Variants in WWOX observed in about 807,000 individuals in gnomAD.
The protein encoded by WWOX is WW domain containing oxidoreductase.
In WWOX, 69 loss-of-function variants were observed where a neutral mutation model predicts 46.2. The observed-to-expected ratio is 1.49, with a 90% CI of 1.23 to 1.82. The LOEUF is 1.82. Among genes scored for constraint, WWOX ranks in the 40% most tolerant of loss-of-function variants. The probability of loss-of-function intolerance (pLI) is 0.00; values close to 1 mark genes in which losing one functional copy is unlikely to be tolerated. For synonymous variants in WWOX, 359 were observed against 202.6 expected (o/e 1.77, Z -6.56); for missense variants, 919 against 542.6 (o/e 1.69, Z -6.89).
chr16:78,752,791 T>G (rs1240080917), intron 8 of WWOX, among the ~76,000 whole-genome samples: 5 of 152,224 alleles, frequency 3.3e-5, no homozygotes, highest in African/African-American at 9.6e-5. Flanking sequence ...CCAATAAATT[T>G]AATCACATAA....
intron 4 of WWOX, chr16:78,124,339 G>A (rs375895817): frequency 7.9e-5 from 12 of 152,206 alleles, no homozygotes; most frequent in Non-Finnish European, 1.5e-4. Flanking sequence ...ACTAGATGGC[G>A]ATTCTGGGAA....
Position 78,639,039 on chromosome 16 carries a change from T to C in WWOX, c.1056+206287T>C, listed in dbSNP as rs940714646. Among the ~76,000 whole-genome samples, 4 of 152,126 alleles carry C rather than the reference T, an allele frequency of 2.6e-5. No individual in the cohort carries two copies. The East Asian group carries it at 5.8e-4, about 22-fold the overall frequency. ...CCTTTATAATCTTTTACCCGTCTTA[T>C]GGGGGATGAACAGAAACACACTTTA... On this transcript the variant is annotated intron_variant, in intron 8 of 8. Coordinates refer to ENST00000566780, the MANE Select transcript of WWOX (RefSeq NM_016373.4).
At chr16:78,773,821 C>T (rs2050123882) in intron 8 of WWOX, among the ~76,000 whole-genome samples, 1 of 152,294 alleles carries the variant, frequency 6.6e-6, no homozygotes, top group East Asian at 1.9e-4. Flanking sequence ...CATGTGAGTT[C>T]TGAACAGGGA....
intron 8 of WWOX, among the ~76,000 whole-genome samples, chr16:78,989,746 T>G (rs2046846876): frequency 6.8e-6 from 1 of 146,650 alleles, no homozygotes; most frequent in Admixed American, 6.9e-5. Flanking sequence ...AAGAGGGCGG[T>G]GAGATGCTGA....
chr16:78,138,179 C>T (rs868207877), intron 4 of WWOX, among the ~76,000 whole-genome samples: 5 of 150,808 alleles, frequency 3.3e-5, no homozygotes, highest in South Asian at 2.1e-4. Context: ...ACGCCAGTCC[C>T]TCTGATAATC....
intron 8 of WWOX, among the ~76,000 whole-genome samples, chr16:78,630,773 A>G (rs1353980632): frequency 6.6e-6 from 1 of 152,160 alleles, no homozygotes; most frequent in East Asian, 1.9e-4. Flanking sequence ...TTGGCGTTTC[A>G]GTGCCTGACA....
chr16:78,867,484 TTGTGTGTGTG>T (rs4035599), intron 8 of WWOX, among the ~76,000 whole-genome samples: 3 of 148,886 alleles, frequency 2.0e-5, no homozygotes, highest in Non-Finnish European at 4.5e-5. Context: ...TTAAATGATT[TTGTGTGTGTG>T]TGTGTGTGTG....
chr16:78,951,400 A>G (rs1159141999), intron 8 of WWOX, among the ~76,000 whole-genome samples: 4 of 152,104 alleles, frequency 2.6e-5, no homozygotes, highest in Admixed American at 1.3e-4. Context: ...CATGTAAATC[A>G]TTGAGCCAAT....
At chr16:78,157,144 T>C (rs2034633267) in intron 4 of WWOX, among the ~76,000 whole-genome samples, 1 of 152,154 alleles carries the variant, frequency 6.6e-6, no homozygotes, top group Non-Finnish European at 1.5e-5. Flanking sequence ...GACCTGGAAA[T>C]TTCAAAGGGA....
At chr16:78,565,313 C>T (rs547411791) in intron 8 of WWOX, among the ~76,000 whole-genome samples, 2 of 152,180 alleles carry the variant, frequency 1.3e-5, no homozygotes, top group African/African-American at 4.8e-5. Context: ...TCAGTCTCAC[C>T]TGGTCAAGAT....
intron 8 of WWOX, among the ~76,000 whole-genome samples, chr16:78,822,068 G>T (rs140062913): frequency 6.6e-6 from 1 of 151,904 alleles, no homozygotes; most frequent in Non-Finnish European, 1.5e-5. Flanking sequence ...GTAGAGATGG[G>T]GTCTCAGTGC....
At chr16:78,783,837 GTGA>G (rs2050388890) in intron 8 of WWOX, among the ~76,000 whole-genome samples, 2 of 143,332 alleles carry the variant, frequency 1.4e-5, no homozygotes, top group Non-Finnish European at 3.2e-5. Flanking sequence ...GCTGATGGTG[GTGA>G]TGATGATGGT....
chr16:78,905,941 A>G (rs556593019), intron 8 of WWOX, among the ~76,000 whole-genome samples: 2 of 152,296 alleles, frequency 1.3e-5, no homozygotes, highest in African/African-American at 4.8e-5. Flanking sequence ...TGATTAATTA[A>G]AGGACCCAAG....
chr16:78,477,753 C>T (rs1022254420), intron 8 of WWOX, among the ~76,000 whole-genome samples: 1 of 151,938 alleles, frequency 6.6e-6, no homozygotes, highest in Admixed American at 6.6e-5. Flanking sequence ...AATCTTTTAG[C>T]ACTTTAATTT....
At chr16:78,767,475 T>C (rs1324540974) in intron 8 of WWOX, among the ~76,000 whole-genome samples, 1 of 92,704 alleles carries the variant, frequency 1.1e-5, no homozygotes, top group Non-Finnish European at 2.4e-5. Context: ...TGTGAGTGTG[T>C]GTGTGTCTGT....
rs781732002 is a variant in WWOX at position 78,115,130 on chromosome 16, G to C, written c.385G>C (p.Val129Leu). 3 of 1,614,064 alleles carry C rather than the reference G, an allele frequency of 1.9e-6. No homozygotes were observed. Among genetic ancestry groups the C allele is most frequent in the Middle Eastern group, 1.6e-4 (1 of 6,084 alleles). Residue 129 changes from valine to leucine, a missense_variant, in exon 4 of 9, where the codon GTC becomes CTC. Transcript: ENST00000566780. The stretch of plus-strand genomic sequence containing the variant: ...GGATTTCACTGGCAAAGTGGTTGTG[G>C]TCACTGGAGCTAATTCAGGAATAGG... Reference protein sequence around the residue: ...GRDFTGKVVVVTGANSGIGFE... With the variant: ...GRDFTGKVVVLTGANSGIGFE...
rs1207591617 is a variant in WWOX at position 78,548,170 on chromosome 16, A to ATTC, written c.1056+115418_1056+115419insTTC. On this transcript the variant is annotated intron_variant, in intron 8 of 8. Coordinates refer to ENST00000566780, the MANE Select transcript of WWOX (RefSeq NM_016373.4). ...ACTGTCTCAAAAAAAAAAAAAAAAA[A>ATTC]AAAAAAAATTACGAATTTTGCGAGG... is the stretch of plus-strand genomic sequence containing the variant. Among the ~76,000 whole-genome samples the ATTC allele has an allele frequency of 5.4e-5, 4 of 74,510 alleles. 1 individual carries two copies. Among genetic ancestry groups the ATTC allele is most frequent in the Admixed American group, 3.6e-4 (2 of 5,590 alleles). The allele number at this position is 74,510 out of a possible 152,430, so 48.9% of individuals were successfully genotyped here. A position where few individuals can be genotyped will look rare whatever the true frequency, so the allele number is the denominator to read the frequency against.
intron 8 of WWOX, among the ~76,000 whole-genome samples, chr16:78,894,184 A>T (rs1219036517): frequency 1.3e-5 from 2 of 152,048 alleles, no homozygotes; most frequent in African/African-American, 4.8e-5. Context: ...AGCTACAGGC[A>T]AGTGTACTGT....
chr16:78,621,972 T>C (rs1237036826), intron 8 of WWOX, among the ~76,000 whole-genome samples: 1 of 152,096 alleles, frequency 6.6e-6, no homozygotes, highest in Non-Finnish European at 1.5e-5. Flanking sequence ...TTTTTCTTGA[T>C]GTTTTAGTGC....
Sources: gnomAD v4.1 joint callset for allele counts (sites outside exome capture counted in the v4.1 genomes callset) on GRCh38, gnomAD v4.1.1 for gene constraint, MANE v1.5 for transcripts, NCBI Gene and HGNC (gene_info 2026-07-23, HGNC 2026-07-21) for gene names.